The following EEF2K variants were observed in gnomAD, a reference collection of about 807,000 sequenced individuals.
EEF2K encodes alternative protein EEF2K.
In EEF2K, 70 loss-of-function variants were observed where a neutral mutation model predicts 93.8. That is an observed-to-expected ratio of 0.75 (90% confidence interval 0.62 to 0.91). The LOEUF (loss-of-function observed/expected upper bound fraction) is 0.91, where lower values mean the gene tolerates loss of function less well. Among genes scored for constraint, EEF2K ranks in the 40% least tolerant of loss-of-function variants. The probability of loss-of-function intolerance (pLI) is 0.00; values close to 1 mark genes in which losing one functional copy is unlikely to be tolerated. For synonymous variants in EEF2K, 376 were observed against 380.8 expected (o/e 0.99, Z 0.15); for missense variants, 935 against 972.9 (o/e 0.96, Z 0.52).
At chr16:22,256,677 C>A in intron 6 of EEF2K, 71 bp from the exon 7 acceptor site, 1 of 1,537,872 alleles carries the variant, frequency 6.5e-7, no homozygotes. Context: ...TCCTCTGAGC[C>A]CTCCCCTTGC....
chr16:22,236,161 A>G (rs2047165509), intron 2 of EEF2K, among the ~76,000 whole-genome samples: 1 of 151,902 alleles, frequency 6.6e-6, no homozygotes, highest in Non-Finnish European at 1.5e-5. Context: ...CCAAACCTCT[A>G]AGTGCATGTG....
intron 17 of EEF2K, 71 bp downstream of exon 17, chr16:22,280,447 T>G: frequency 7.5e-7 from 1 of 1,339,910 alleles, no homozygotes; most frequent in Non-Finnish European, 9.7e-7. Flanking sequence ...TCCATTCCAC[T>G]GGGAGTTATT....
rs773934444 is a variant in EEF2K, at chr16:22,248,742, TG to T, written c.348-10del. On this transcript the variant is annotated splice_polypyrimidine_tract_variant and intron_variant, in intron 3 of 17. Coordinates refer to ENST00000263026, the MANE Select transcript of EEF2K (RefSeq NM_013302.5). Reference sequence around the variant, plus strand: ...GATGGACGCTGTGCCCCATGGTGGATGGGTCTCTGCAGGTACAACGCCGTCA... The same window carrying T: ...GATGGACGCTGTGCCCCATGGTGGATGGTCTCTGCAGGTACAACGCCGTCA... 4 of 1,613,782 alleles carry T rather than the reference TG, an allele frequency of 2.5e-6. No individual in the cohort carries two copies. Among genetic ancestry groups the T allele is most frequent in the Non-Finnish European group, 8.5e-7 (1 of 1,179,796 alleles).
At chr16:22,271,283 T>C (rs535485589) in intron 15 of EEF2K, among the ~76,000 whole-genome samples, 1 of 152,072 alleles carries the variant, frequency 6.6e-6, no homozygotes, top group Non-Finnish European at 1.5e-5. Context: ...CTCTGGAATC[T>C]CTATGCTCAT....
chr16:22,219,086 T>C (rs2046988339), intron 1 of EEF2K, among the ~76,000 whole-genome samples: 1 of 152,120 alleles, frequency 6.6e-6, no homozygotes, highest in African/African-American at 2.4e-5. Flanking sequence ...AGATCCTTTC[T>C]TTGGGCCAAG....
intron 17 of EEF2K, among the ~76,000 whole-genome samples, chr16:22,282,637 G>A (rs369301733): frequency 6.6e-6 from 1 of 152,222 alleles, no homozygotes; most frequent in Non-Finnish European, 1.5e-5. Flanking sequence ...TGCTTTCTAC[G>A]TCTCTTGCTC....
chr16:22,224,887 A>G (rs2047048092), intron 1 of EEF2K, among the ~76,000 whole-genome samples: 1 of 151,464 alleles, frequency 6.6e-6, no homozygotes, highest in South Asian at 2.1e-4. Context: ...TGGGAGGTGG[A>G]GGTTGCAGTG....
Position 22,286,702 on chromosome 16 carries a change from A to G in EEF2K, c.*2706A>G, listed in dbSNP as rs1193113105. 2 of 152,220 alleles carry G rather than the reference A, an allele frequency of 1.3e-5. No individual in the cohort carries two copies. The highest frequency in any genetic ancestry group is 3.8e-4 in the East Asian group (2 of 5,196). 9.4% of individuals were successfully genotyped at this position (152,220 alleles called of 1,614,324 possible). On this transcript the variant is annotated 3_prime_UTR_variant, in exon 18 of 18. Coordinates refer to ENST00000263026, the MANE Select transcript of EEF2K (RefSeq NM_013302.5). The stretch of plus-strand genomic sequence containing the variant: ...CCCTTGACTGAGAGCTACTTTATTA[A>G]GCCCTGAGGGCAGGAGCTATCCCAA...
chr16:22,238,561 C>T (rs916223468), intron 2 of EEF2K, among the ~76,000 whole-genome samples: 4 of 149,708 alleles, frequency 2.7e-5, no homozygotes, highest in African/African-American at 9.8e-5. Flanking sequence ...TGAGAAGATT[C>T]GTTGAGCCCA....
At position 22,225,947 on chromosome 16, in the gene EEF2K, G is replaced by A. The variant is rs367751749; in HGVS notation, c.218G>A (p.Gly73Glu). 3.2e-5 allele frequency: 52 copies of A among 1,614,130 alleles called. No individual in the cohort carries two copies. The highest frequency in any genetic ancestry group is 4.3e-5 in the Non-Finnish European group (51 of 1,180,020). ...AAAAGTGAGCGGTATAGCTCCAGCGGGTCCCCGGCAAACTCCTTCCACTTC... is the reference window on the plus strand; with the variant it reads ...AAAAGTGAGCGGTATAGCTCCAGCGAGTCCCCGGCAAACTCCTTCCACTTC... ...LTKSERYSSS[G>E]SPANSFHFKE... Residue 73 changes from glycine to glutamate, a missense_variant, in exon 2 of 18, where the codon GGG (glycine) becomes GAG (glutamate). Gly to Glu is a moderately conservative substitution (Grantham distance 98, BLOSUM62 -2). Coordinates refer to ENST00000263026, the MANE Select transcript of EEF2K (RefSeq NM_013302.5).
At chr16:22,229,701 A>G (rs1233090620) in intron 2 of EEF2K, among the ~76,000 whole-genome samples, 1 of 152,130 alleles carries the variant, frequency 6.6e-6, no homozygotes, top group Non-Finnish European at 1.5e-5. Context: ...ACTCCATCTC[A>G]AAAAAAGAAG....
At chr16:22,209,520 C>G (rs1181417092) in intron 1 of EEF2K, among the ~76,000 whole-genome samples, 1 of 151,810 alleles carries the variant, frequency 6.6e-6, no homozygotes, top group Non-Finnish European at 1.5e-5. Flanking sequence ...CCAGTTCTTA[C>G]ACCTGAAGCA....
intron 2 of EEF2K, among the ~76,000 whole-genome samples, chr16:22,229,278 C>T (rs1425048257): frequency 6.6e-6 from 1 of 152,162 alleles, no homozygotes; most frequent in Admixed American, 6.5e-5. Context: ...GACATATGTG[C>T]AATGTGATCC....
At chr16:22,246,515 TAAA>T (rs746408835) in intron 3 of EEF2K, among the ~76,000 whole-genome samples, 7 of 70,474 alleles carry the variant, frequency 9.9e-5, no homozygotes, top group African/African-American at 2.5e-4. Context: ...GACTCAGTCT[TAAA>T]AAAAAAAAAA....
intron 2 of EEF2K, among the ~76,000 whole-genome samples, chr16:22,231,805 C>T (rs1348143855): frequency 6.6e-6 from 1 of 151,634 alleles, no homozygotes; most frequent in Admixed American, 6.6e-5. Flanking sequence ...GCCTGACCTA[C>T]ATGGTGATAC....
At chr16:22,225,464 CG>C (rs1181728906) in intron 1 of EEF2K, among the ~76,000 whole-genome samples, 189 bp from the exon 2 acceptor site, 2 of 152,184 alleles carry the variant, frequency 1.3e-5, no homozygotes, top group Non-Finnish European at 2.9e-5. Flanking sequence ...AGTGGAATGA[CG>C]ACTGGGTCAG....
intron 11 of EEF2K, 96 bp downstream of exon 11, chr16:22,260,625 AGCCTAG>A (rs2047453684): frequency 7.4e-6 from 11 of 1,485,268 alleles, no homozygotes; most frequent in Admixed American, 1.7e-5. Flanking sequence ...GGAGGTGGGC[AGCCTAG>A]CCCAGGCACT....
intron 6 of EEF2K, among the ~76,000 whole-genome samples, chr16:22,253,402 C>G (rs1174593051): frequency 6.6e-6 from 1 of 152,194 alleles, no homozygotes; most frequent in Non-Finnish European, 1.5e-5. Flanking sequence ...AGTCCCCACC[C>G]TGGGGGGCTG....
intron 12 of EEF2K, among the ~76,000 whole-genome samples, chr16:22,264,148 C>T (rs562827367): frequency 1.5e-4 from 23 of 151,768 alleles, no homozygotes; most frequent in African/African-American, 2.4e-4. Flanking sequence ...AAAAATTAGC[C>T]GGGTGCAGTG....
Sources: allele counts gnomAD v4.1 joint callset (sites outside exome capture counted in the v4.1 genomes callset), GRCh38; gene constraint gnomAD v4.1.1; transcripts MANE v1.5; gene names NCBI Gene and HGNC (gene_info 2026-07-23, HGNC 2026-07-21).